Variants in PIK3R5 observed in about 807,000 individuals in gnomAD.
The protein encoded by PIK3R5 is phosphoinositide 3-kinase regulatory subunit 5.
Under a neutral mutation model 94.9 loss-of-function variants are expected in PIK3R5, and 32 were observed. That is an observed-to-expected ratio of 0.34 (90% CI 0.25 to 0.45). The LOEUF (loss-of-function observed/expected upper bound fraction) is 0.45, where lower values mean the gene tolerates loss of function less well. PIK3R5 is among the 20% of genes least tolerant of loss of function. The pLI is 1.00. For synonymous variants in PIK3R5, 443 were observed against 479.4 expected (o/e 0.92, Z 0.99); for missense variants, 853 against 1,144.6 (o/e 0.75, Z 3.68).
At chr17:8,908,605 C>A (rs1730918456) in intron 3 of PIK3R5, among the ~76,000 whole-genome samples, 1 of 150,242 alleles carries the variant, frequency 6.7e-6, no homozygotes, top group African/African-American at 2.5e-5. Flanking sequence ...CAAAAGAGCC[C>A]AAATCCTCTT....
intron 1 of PIK3R5, among the ~76,000 whole-genome samples, chr17:8,953,139 A>G (rs756618920): frequency 6.6e-6 from 1 of 152,146 alleles, no homozygotes; most frequent in Non-Finnish European, 1.5e-5. Flanking sequence ...CACCCATTAC[A>G]TGGTCCAGCA....
At chr17:8,910,029 T>C (rs1230663864) in intron 2 of PIK3R5, among the ~76,000 whole-genome samples, 1 of 152,234 alleles carries the variant, frequency 6.6e-6, no homozygotes, top group Non-Finnish European at 1.5e-5. Flanking sequence ...ACTTTGTCAC[T>C]CTGTAACTTC....
chr17:8,962,080 G>C (rs1247344978), intron 1 of PIK3R5, among the ~76,000 whole-genome samples: 1 of 152,200 alleles, frequency 6.6e-6, no homozygotes, highest in African/African-American at 2.4e-5. Context: ...ACTTAGGCTT[G>C]GTCAATTCTG....
In PIK3R5 at chr17:8,880,749, C is replaced by T. The variant is rs373411680; in HGVS notation, c.2533G>A (p.Asp845Asn). ...GGCGTCTGGGGTGGTGAGGAGAGGT[C>T]GCTCTTCTCTGGCTTGTAGCACGGT... ...VSPCYKPEKS[D>N]LSSPPQTPPD... The change falls in exon 19 of 19, where the codon GAC becomes AAC. Residue 845 changes from aspartate to asparagine, a missense_variant. By Grantham distance (23) the Asp-to-Asn change is conservative (BLOSUM62 1). Coordinates refer to ENST00000447110, the MANE Select transcript of PIK3R5 (RefSeq NM_001142633.3). 23 of 1,613,832 alleles carry T rather than the reference C, an allele frequency of 1.4e-5. No homozygotes were observed. The highest frequency in any genetic ancestry group is 2.7e-5 in the African/African-American group (2 of 75,032).
chr17:8,936,560 C>T (rs1438685172), intron 1 of PIK3R5, among the ~76,000 whole-genome samples: 1 of 152,104 alleles, frequency 6.6e-6, no homozygotes, highest in Non-Finnish European at 1.5e-5. Context: ...TATGCATGCA[C>T]TTAAGATTCT....
intron 1 of PIK3R5, among the ~76,000 whole-genome samples, chr17:8,948,094 T>C (rs1317820290): frequency 4.9e-5 from 5 of 102,440 alleles, no homozygotes; most frequent in Non-Finnish European, 1.1e-4. Flanking sequence ...AAAAGAAAAA[T>C]GCAGCATACA....
intron 1 of PIK3R5, among the ~76,000 whole-genome samples, chr17:8,920,494 A>T (rs1012388293): frequency 2.6e-5 from 4 of 152,220 alleles, no homozygotes; most frequent in Non-Finnish European, 5.9e-5. Flanking sequence ...AACGAAGGAT[A>T]ATCATGCATC....
At chr17:8,920,543 A>C (rs2090720927) in intron 1 of PIK3R5, among the ~76,000 whole-genome samples, 1 of 152,248 alleles carries the variant, frequency 6.6e-6, no homozygotes, top group Admixed American at 6.5e-5. Context: ...CTTGCTGCCC[A>C]GCAGTGAGTG....
Position 8,945,285 on chromosome 17 carries a change from T to G in PIK3R5, c.-14+20311A>C, listed in dbSNP as rs2091253636. 6.6e-6 allele frequency among the ~76,000 whole-genome samples: 1 copy of G among 152,038 alleles called. No individual in the cohort carries two copies. The highest frequency in any genetic ancestry group is 1.5e-5 in the Non-Finnish European group (1 of 67,982). On this transcript the variant is annotated intron_variant, in intron 1 of 18. Coordinates refer to ENST00000447110, the MANE Select transcript of PIK3R5 (RefSeq NM_001142633.3). This position sits in a 1 kb window ranked among gnomAD's most constrained non-coding sequence, Gnocchi z 4.0. Reference sequence around the variant, plus strand: ...CCAGGAAACCAGCCACTGGGGTGGGTCATTTGATTGACACTAGCTCCAAGA... The same window carrying G: ...CCAGGAAACCAGCCACTGGGGTGGGGCATTTGATTGACACTAGCTCCAAGA...
chr17:8,890,808 A>G lies in PIK3R5; in HGVS notation c.587T>C (p.Leu196Pro). ...GGTGGCCTGGAAGGCGTGCAGGAGC[A>G]GGGTGGTGTAGGCACTGTGAGGCGA... is the stretch of plus-strand genomic sequence containing the variant. ...GHSPHSAYTT[L>P]LLHAFQATFG... The change falls in exon 7 of 19, where the codon CTG becomes CCG. Residue 196 changes from leucine (L) to proline (P), a missense_variant. Physicochemically the swap from Leu to Pro is moderately conservative, Grantham distance 98 (BLOSUM62 -3). This residue lies in a region of PIK3R5 where 161 missense variants were observed against 249.5 expected (regional missense o/e 0.65). Transcript: ENST00000447110. The surrounding 1 kb of genome is among the most constrained non-coding windows in gnomAD (Gnocchi z 6.1). 1.2e-6 allele frequency: 2 copies of G among 1,613,306 alleles called. No individual in the cohort carries two copies. The highest frequency in any genetic ancestry group is 1.7e-6 in the Non-Finnish European group (2 of 1,179,716).
intron 1 of PIK3R5, among the ~76,000 whole-genome samples, chr17:8,965,174 G>C (rs1426295553): frequency 6.6e-6 from 1 of 152,188 alleles, no homozygotes; most frequent in Non-Finnish European, 1.5e-5. Context: ...GCCTTACGCG[G>C]GCACTTCCAT....
chr17:8,906,952 A>G (rs1172711766), intron 3 of PIK3R5, among the ~76,000 whole-genome samples: 1 of 152,172 alleles, frequency 6.6e-6, no homozygotes, highest in Non-Finnish European at 1.5e-5. Flanking sequence ...ATTAAATTTT[A>G]TTTATGCCCT....
At chr17:8,923,293 C>T (rs943105090) in intron 1 of PIK3R5, among the ~76,000 whole-genome samples, 7 of 152,188 alleles carry the variant, frequency 4.6e-5, no homozygotes, top group African/African-American at 9.7e-5. Flanking sequence ...GAAAAGACAA[C>T]AGGATGTACA....
At chr17:8,887,430 C>T in intron 11 of PIK3R5, 91 bp downstream of exon 11, 2 of 1,436,966 alleles carry the variant, frequency 1.4e-6, no homozygotes, top group Non-Finnish European at 1.9e-6. Flanking sequence ...CCTGTCAACA[C>T]AGGTGCTTGC....
Position 8,890,868 on chromosome 17 carries a change from A to G in PIK3R5, c.527T>C (p.Leu176Pro), listed in dbSNP as rs1218612317. ...LNPVEVQAEF[L>P]AVANKLSTPG... ...CGTACTCAGCTTATTGGCTACAGCA[A>G]GGAACTCGGCCTGCACTTCCACTGG... is the stretch of plus-strand genomic sequence containing the variant. The change falls in exon 7 of 19, where the codon CTT becomes CCT. Residue 176 changes from leucine to proline, a missense_variant. Physicochemically the swap from Leu to Pro is moderately conservative, Grantham distance 98. Around this residue, in one of 6 missense-constraint regions of PIK3R5, gnomAD observed 161 missense variants for 249.5 expected, o/e 0.65. Coordinates refer to ENST00000447110, the MANE Select transcript of PIK3R5 (RefSeq NM_001142633.3). The surrounding 1 kb of genome is among the most constrained non-coding windows in gnomAD (Gnocchi z 6.1). 1 of 1,613,876 alleles carries G rather than the reference A, an allele frequency of 6.2e-7. No individual in the cohort carries two copies.
At chr17:8,917,979 A>T (rs1479493964) in intron 1 of PIK3R5, among the ~76,000 whole-genome samples, 1 of 152,224 alleles carries the variant, frequency 6.6e-6, no homozygotes, top group Non-Finnish European at 1.5e-5. Context: ...GTGACAAATA[A>T]AGAAGGGGGA....
intron 1 of PIK3R5, among the ~76,000 whole-genome samples, chr17:8,940,568 TTTTTG>T (rs2091160590): frequency 6.6e-6 from 1 of 152,154 alleles, no homozygotes; most frequent in African/African-American, 2.4e-5. Context: ...TTTGTTTTTG[TTTTTG>T]TTTTTAGAGA....
intron 5 of PIK3R5, among the ~76,000 whole-genome samples, chr17:8,901,556 T>C (rs2090282909): frequency 6.6e-6 from 1 of 152,218 alleles, no homozygotes; most frequent in Non-Finnish European, 1.5e-5. Flanking sequence ...CTAGGGTCCA[T>C]AAGTTGTTGG....
chr17:8,894,897 G>T (rs1347423829), intron 5 of PIK3R5, among the ~76,000 whole-genome samples: 1 of 152,062 alleles, frequency 6.6e-6, no homozygotes, highest in Admixed American at 6.6e-5. Context: ...CGGGGGTTGG[G>T]GTTTAAAGAC....
Sources: gnomAD v4.1 joint callset for allele counts (sites outside exome capture counted in the v4.1 genomes callset) on GRCh38, gnomAD v4.1.1 for gene constraint, gnomAD v4.1.1 regional missense constraint, Gnocchi (gnomAD v3.1) non-coding constraint, MANE v1.5 for transcripts, NCBI Gene and HGNC (gene_info 2026-07-23, HGNC 2026-07-21) for gene names.